SLC27A1: variants seen among roughly 807,000 people sequenced by gnomAD.
The protein encoded by SLC27A1 is long-chain fatty acid transport protein 1.
SLC27A1 carries 61 observed loss-of-function variants against 62.2 expected under a neutral mutation model. The observed-to-expected ratio is 0.98, with a 90% CI of 0.80 to 1.21. SLC27A1 has a LOEUF of 1.21. Ranked by LOEUF, SLC27A1 falls within the 50% of genes most tolerant of loss-of-function variation. SLC27A1 has a pLI of 0.00. For synonymous variants in SLC27A1, 435 were observed against 408.6 expected (o/e 1.06, Z -0.78); for missense variants, 903 against 932.1 (o/e 0.97, Z 0.41).
intron 1 of SLC27A1, among the ~76,000 whole-genome samples, chr19:17,472,990 G>T (rs1339237191): frequency 1.3e-5 from 2 of 152,056 alleles, no homozygotes; most frequent in Non-Finnish European, 2.9e-5. Flanking sequence ...TAGAGATGAG[G>T]TCTCGCTATA....
chr19:17,491,939 C>T (rs539849670), intron 6 of SLC27A1, among the ~76,000 whole-genome samples: 1 of 152,136 alleles, frequency 6.6e-6, no homozygotes, highest in South Asian at 2.1e-4. Flanking sequence ...TTTTCTCTTT[C>T]TGTCTGTCTC....
chr19:17,495,036 G>C (rs187586527), intron 6 of SLC27A1, among the ~76,000 whole-genome samples: 1 of 151,072 alleles, frequency 6.6e-6, no homozygotes, highest in Non-Finnish European at 1.5e-5. Context: ...ACAATAGAGC[G>C]ATCTTGGCTT....
chr19:17,502,335 G>GTTTTTTTTT lies in SLC27A1; in HGVS notation c.1783+924_1783+925insTTTTTTTTT, dbSNP rs1175394305. On this transcript the variant is annotated intron_variant, in intron 11 of 11. Transcript: ENST00000252595. ...CTGCCACTAAGCATTCTGAAATAGTGTTTTTTTTGTTTTTTTTTTTTTTTT... is the reference window on the plus strand; with the variant it reads ...CTGCCACTAAGCATTCTGAAATAGTGTTTTTTTTTTTTTTTTTGTTTTTTTTTTTTTTTT... Among the ~76,000 whole-genome samples, 69 of 75,902 alleles carry GTTTTTTTTT rather than the reference G, an allele frequency of 9.1e-4. 18 individuals are homozygous for GTTTTTTTTT. Among genetic ancestry groups the GTTTTTTTTT allele is most frequent in the Non-Finnish European group, 1.1e-3 (46 of 40,076 alleles). 49.8% of individuals were successfully genotyped at this position (75,902 alleles called of 152,430 possible). A position where few individuals can be genotyped will look rare whatever the true frequency, so the allele number is the denominator to read the frequency against.
rs749385215 is a variant in SLC27A1 at position 17,500,469 on chromosome 19, C to T, written c.1334-26C>T. 20 of 1,612,972 alleles carry T rather than the reference C, an allele frequency of 1.2e-5. No homozygotes were observed. In the South Asian group the frequency reaches 2.1e-4, roughly 17 times the overall value. ...GTCCCCACGCCCTGCCTGCCTAGCG[C>T]AGCCTGAACATGGCCTTCTCCCTAG... is the stretch of plus-strand genomic sequence containing the variant. On this transcript the variant is annotated intron_variant, in intron 8 of 11. Coordinates refer to ENST00000252595, the MANE Select transcript of SLC27A1 (RefSeq NM_198580.3).
In SLC27A1 at chr19:17,504,843, C is replaced by T. The variant is rs777143344; in HGVS notation, c.*231C>T. On this transcript the variant is annotated 3_prime_UTR_variant, in exon 12 of 12. Transcript: ENST00000252595. ...CTGCTTTTCAGCCTCTGTCTCCTTC[C>T]ATCCCTGTCCCTGTCTGGCCTTAAC... is the stretch of plus-strand genomic sequence containing the variant. 5.8e-6 allele frequency: 4 copies of T among 693,366 alleles called. No individual in the cohort carries two copies. In the South Asian group the frequency reaches 6.0e-5, roughly 10 times the overall value. 43.0% of individuals were successfully genotyped at this position (693,366 alleles called of 1,614,324 possible).
chr19:17,493,799 T>C (rs1015051195), intron 6 of SLC27A1, among the ~76,000 whole-genome samples: 1 of 151,924 alleles, frequency 6.6e-6, no homozygotes, highest in African/African-American at 2.4e-5. Context: ...TAATTTTTTG[T>C]ATTTTTAGTA....
chr19:17,504,574 G>C lies in SLC27A1; in HGVS notation c.1903G>C (p.Val635Leu). ...CCACTACCTGCCCTTAAATGAGGCA[G>C]TCTACACTCGCATCTGCTCGGGCGC... is the stretch of plus-strand genomic sequence containing the variant. ...QGHYLPLNEAVYTRICSGAFA... is the reference protein window; with the variant it reads ...QGHYLPLNEALYTRICSGAFA... The change falls in exon 12 of 12, where the codon GTC becomes CTC. Residue 635 changes from valine to leucine, a missense_variant. Coordinates refer to ENST00000252595, the MANE Select transcript of SLC27A1 (RefSeq NM_198580.3). 4 of 1,614,176 alleles carry C rather than the reference G, an allele frequency of 2.5e-6. No homozygotes were observed. Among genetic ancestry groups the C allele is most frequent in the Non-Finnish European group, 3.4e-6 (4 of 1,180,036 alleles).
At chr19:17,470,791 C>A in intron 1 of SLC27A1, 84 bp downstream of exon 1, 1 of 980,642 alleles carries the variant, frequency 1.0e-6, no homozygotes, top group Non-Finnish European at 1.2e-6. Flanking sequence ...GTTGCGGGGA[C>A]GGCTTGGAGG....
At position 17,486,804 on chromosome 19, in the gene SLC27A1, G is replaced by A; in HGVS notation, c.409G>A (p.Gly137Ser). ...PGDVVAIFLE[G>S]RPEFVGLWLG... Reference sequence around the variant, plus strand: ...CGACGTGGTGGCCATCTTCCTGGAGGGCCGGCCGGAGTTCGTGGGGCTGTG... The same window carrying A: ...CGACGTGGTGGCCATCTTCCTGGAGAGCCGGCCGGAGTTCGTGGGGCTGTG... Residue 137 changes from glycine (G) to serine (S), a missense_variant, in exon 2 of 12, where the codon GGC (glycine) becomes AGC (serine). Physicochemically the swap from Gly to Ser is moderately conservative, Grantham distance 56. Transcript: ENST00000252595. The surrounding 1 kb of genome is among the most constrained non-coding windows in gnomAD (Gnocchi z 6.6). The A allele has an allele frequency of 6.3e-7, 1 of 1,598,322 alleles. No homozygotes were observed. Among genetic ancestry groups the A allele is most frequent in the South Asian group, 1.1e-5 (1 of 90,010 alleles).
upstream of SLC27A1, among the ~76,000 whole-genome samples, chr19:17,469,676 G>T (rs1478867432): frequency 2.0e-5 from 3 of 152,148 alleles, no homozygotes; most frequent in Non-Finnish European, 4.4e-5. Context: ...CGGCTCTGCG[G>T]GCTGAGGGGC....
At chr19:17,502,956 T>A (rs2075433605) in intron 11 of SLC27A1, among the ~76,000 whole-genome samples, 1 of 152,192 alleles carries the variant, frequency 6.6e-6, no homozygotes, top group Non-Finnish European at 1.5e-5. Context: ...AGAGGTTTAA[T>A]GGAACTCACA....
At chr19:17,502,210 G>A (rs2075422352) in intron 11 of SLC27A1, among the ~76,000 whole-genome samples, 1 of 152,090 alleles carries the variant, frequency 6.6e-6, no homozygotes, top group South Asian at 2.1e-4. Flanking sequence ...AGTGTCCTGG[G>A]ACTGACACAA....
chr19:17,504,281 G>A (rs964026799), intron 11 of SLC27A1, among the ~76,000 whole-genome samples, 174 bp from the exon 12 acceptor site: 2 of 152,150 alleles, frequency 1.3e-5, no homozygotes, highest in Non-Finnish European at 2.9e-5. Flanking sequence ...GGAGGAGGGG[G>A]CATGAAGCCA....
chr19:17,488,550 C>G (rs926296985), intron 4 of SLC27A1, among the ~76,000 whole-genome samples: 1 of 152,290 alleles, frequency 6.6e-6, no homozygotes, highest in East Asian at 1.9e-4. Context: ...CCATAGCTCG[C>G]CCCCACAGCT....
chr19:17,473,289 T>TC, intron 1 of SLC27A1, among the ~76,000 whole-genome samples: 2 of 152,296 alleles, frequency 1.3e-5, no homozygotes, highest in South Asian at 4.1e-4. Flanking sequence ...AGTTGCAAAC[T>TC]CATGTGAGGT....
chr19:17,489,262 A>G (rs1001748060), intron 6 of SLC27A1, 145 bp downstream of exon 6: 2 of 666,016 alleles, frequency 3.0e-6, no homozygotes, highest in South Asian at 3.8e-5. Flanking sequence ...GTCCTCTCCC[A>G]GCCAGGCCCC....
At chr19:17,499,886 A>T (rs550506492) in intron 7 of SLC27A1, 1 of 195,478 alleles carries the variant, frequency 5.1e-6, no homozygotes, top group Non-Finnish European at 1.1e-5. Context: ...GACAGGGTGT[A>T]GTGGCTCAAA....
chr19:17,503,973 C>G (rs2075446474), intron 11 of SLC27A1, among the ~76,000 whole-genome samples: 2 of 142,766 alleles, frequency 1.4e-5, no homozygotes, highest in Admixed American at 1.4e-4. Context: ...TTTGCAGAGA[C>G]AGAGTCTCAC....
chr19:17,478,120 G>A (rs944280116), intron 1 of SLC27A1, among the ~76,000 whole-genome samples: 1 of 152,088 alleles, frequency 6.6e-6, no homozygotes, highest in Admixed American at 6.6e-5. Flanking sequence ...CCAGACAAGC[G>A]CCTCAGCCCT....
Sources: allele counts gnomAD v4.1 joint callset (sites outside exome capture counted in the v4.1 genomes callset), GRCh38; gene constraint gnomAD v4.1.1; non-coding constraint Gnocchi (gnomAD v3.1); transcripts MANE v1.5; gene names NCBI Gene and HGNC (gene_info 2026-07-23, HGNC 2026-07-21).